LIN28A: variants seen among roughly 807,000 people sequenced by gnomAD.
The protein encoded by LIN28A is protein lin-28 homolog A.
A neutral mutation model predicts 21.1 loss-of-function variants in LIN28A; 11 were observed. That is an observed-to-expected ratio of 0.52 (90% CI 0.33 to 0.86). The LOEUF (loss-of-function observed/expected upper bound fraction) is 0.86, where lower values mean the gene tolerates loss of function less well. Ranked by LOEUF, LIN28A falls within the 40% of genes least tolerant of loss-of-function variation. The probability of loss-of-function intolerance (pLI) is 0.03; values close to 1 mark genes in which losing one functional copy is unlikely to be tolerated. For missense variants in LIN28A, 219 were observed against 279.8 expected (o/e 0.78, Z 1.55); for synonymous variants, 111 against 108.7 (o/e 1.02, Z -0.13).
Position 26,427,836 on chromosome 1 carries a change from G to A in LIN28A, c.*1378G>A, listed in dbSNP as rs766677253. On this transcript the variant is annotated 3_prime_UTR_variant, in exon 4 of 4. Transcript: ENST00000326279. ...TCGGGTTCCAGGGAGACACACAAGC[G>A]AGGGTTTTGTGGTGCCTGGAGCCTG... The A allele has an allele frequency of 1.3e-5, 2 of 152,608 alleles. No homozygotes were observed. Among genetic ancestry groups the A allele is most frequent in the Non-Finnish European group, 2.9e-5 (2 of 68,058 alleles). 9.5% of individuals were successfully genotyped at this position (152,608 alleles called of 1,614,324 possible).
At chr1:26,425,117 G>A (rs1347057373) in intron 2 of LIN28A, among the ~76,000 whole-genome samples, 186 bp from the exon 3 acceptor site, 2 of 152,086 alleles carry the variant, frequency 1.3e-5, no homozygotes, top group Non-Finnish European at 2.9e-5. Context: ...ATATAATTAC[G>A]ATTTTTGTTA....
intron 2 of LIN28A, among the ~76,000 whole-genome samples, chr1:26,413,751 C>T (rs1457214348): frequency 6.6e-6 from 1 of 151,794 alleles, no homozygotes; most frequent in Non-Finnish European, 1.5e-5. Flanking sequence ...TCCAACCCCA[C>T]CTTAACCGTA....
At position 26,410,898 on chromosome 1, in the gene LIN28A, T is replaced by C; in HGVS notation, c.7T>C (p.Ser3Pro). 2 of 1,609,702 alleles carry C rather than the reference T, an allele frequency of 1.2e-6. No individual in the cohort carries two copies. Among genetic ancestry groups the C allele is most frequent in the Non-Finnish European group, 1.7e-6 (2 of 1,178,862 alleles). Residue 3 changes from serine (S) to proline (P), a missense_variant, in exon 1 of 4, where the codon TCC becomes CCC. Ser to Pro is a moderately conservative substitution (Grantham distance 74, BLOSUM62 -1). Transcript: ENST00000326279. MG[S>P]VSNQQFAGGC... ...ACGGGCTCAGCCGACGACCATGGGC[T>C]CCGTGTCCAACCAGCAGTTTGCAGG...
At chr1:26,423,441 T>C (rs2075039994) in intron 2 of LIN28A, among the ~76,000 whole-genome samples, 1 of 133,792 alleles carries the variant, frequency 7.5e-6, no homozygotes. Context: ...TTTTTTGTTG[T>C]TGTTGTTGCC....
At chr1:26,418,079 C>T (rs1475483067) in intron 2 of LIN28A, among the ~76,000 whole-genome samples, 1 of 151,576 alleles carries the variant, frequency 6.6e-6, no homozygotes, top group African/African-American at 2.4e-5. Flanking sequence ...TCCTAAGTGA[C>T]CCCTAAGGCT....
intron 2 of LIN28A, among the ~76,000 whole-genome samples, chr1:26,423,886 C>T (rs560411751): frequency 5.0e-4 from 76 of 151,670 alleles, no homozygotes; most frequent in African/African-American, 1.7e-3. Context: ...CCTCAGCCTC[C>T]GGAGTAGCTG....
chr1:26,424,738 T>C (rs953097693), intron 2 of LIN28A, among the ~76,000 whole-genome samples: 1 of 149,460 alleles, frequency 6.7e-6, no homozygotes, highest in Non-Finnish European at 1.5e-5. Context: ...TTCTGTTTGT[T>C]GTTGTTTGTT....
chr1:26,414,520 G>A (rs1380801540), intron 2 of LIN28A, among the ~76,000 whole-genome samples: 1 of 152,054 alleles, frequency 6.6e-6, no homozygotes, highest in Non-Finnish European at 1.5e-5. Context: ...AGATGAGTGG[G>A]GGGAAAAGCC....
In LIN28A at chr1:26,411,859, A is replaced by G. The variant is rs1246964616; in HGVS notation, c.228+277A>G. 1.3e-5 allele frequency among the ~76,000 whole-genome samples: 2 copies of G among 152,044 alleles called. No homozygotes were observed. Among genetic ancestry groups the G allele is most frequent in the Non-Finnish European group, 2.9e-5 (2 of 67,980 alleles). ...TTTCCCCTGGGAAGGGGCAGGGGGC[A>G]GGGAGGTGACCCCATGTGGCAGAAA... On this transcript the variant is annotated intron_variant, in intron 2 of 3. Coordinates refer to ENST00000326279, the MANE Select transcript of LIN28A (RefSeq NM_024674.6). This position sits in a 1 kb window ranked among gnomAD's most constrained non-coding sequence, Gnocchi z 5.4.
intron 3 of LIN28A, 36 bp downstream of exon 3, chr1:26,425,523 G>C: frequency 6.3e-7 from 1 of 1,586,804 alleles, no homozygotes; most frequent in Non-Finnish European, 8.6e-7. Flanking sequence ...AGGTTGCTAA[G>C]GGCATCCCCA....
Position 26,411,351 on chromosome 1 carries a change from C to G in LIN28A, c.32-35C>G. The G allele has an allele frequency of 6.6e-7, 1 of 1,507,744 alleles. No individual in the cohort carries two copies. The highest frequency in any genetic ancestry group is 1.3e-5 in the South Asian group (1 of 78,030). The allele number at this position is 1,507,744 out of a possible 1,614,324, so 93.4% of individuals were successfully genotyped here. ...CCGAGACGGCCCTCCGATTCCGTGC[C>G]CCCCAGCTAAGTGCCCGGCCCTCCC... is the stretch of plus-strand genomic sequence containing the variant. On this transcript the variant is annotated intron_variant, in intron 1 of 3. Coordinates refer to ENST00000326279, the MANE Select transcript of LIN28A (RefSeq NM_024674.6). This position sits in a 1 kb window ranked among gnomAD's most constrained non-coding sequence, Gnocchi z 5.4.
At chr1:26,413,968 C>A (rs989439523) in intron 2 of LIN28A, among the ~76,000 whole-genome samples, 6 of 151,776 alleles carry the variant, frequency 4.0e-5, no homozygotes, top group African/African-American at 1.5e-4. Context: ...GCTGGGATTA[C>A]AGGCATGTGC....
At chr1:26,421,341 G>A (rs1017838538) in intron 2 of LIN28A, among the ~76,000 whole-genome samples, 7 of 152,084 alleles carry the variant, frequency 4.6e-5, no homozygotes, top group African/African-American at 1.4e-4. Flanking sequence ...TATTATAGAT[G>A]TACCATATTT....
Position 26,411,542 on chromosome 1 carries a change from G to C in LIN28A, c.188G>C (p.Gly63Ala). 1 of 1,613,878 alleles carries C rather than the reference G, an allele frequency of 6.2e-7. No individual in the cohort carries two copies. Among genetic ancestry groups the C allele is most frequent in the Non-Finnish European group, 8.5e-7 (1 of 1,179,930 alleles). The change falls in exon 2 of 4, where the codon GGG (glycine) becomes GCG (alanine). Residue 63 changes from glycine (G) to alanine (A), a missense_variant. Coordinates refer to ENST00000326279, the MANE Select transcript of LIN28A (RefSeq NM_024674.6). The surrounding 1 kb of genome is among the most constrained non-coding windows in gnomAD (Gnocchi z 5.4). ...TTCCTGTCCATGACCGCCCGCGCCG[G>C]GGTCGCGCTCGACCCCCCAGTGGAT... Reference protein sequence around the residue: ...FGFLSMTARAGVALDPPVDVF... With the variant: ...FGFLSMTARAAVALDPPVDVF...
chr1:26,419,704 C>T (rs780947808), intron 2 of LIN28A, among the ~76,000 whole-genome samples: 1 of 152,150 alleles, frequency 6.6e-6, no homozygotes, highest in South Asian at 2.1e-4. Flanking sequence ...TTAGTATTTA[C>T]TCCATTTTAT....
intron 2 of LIN28A, among the ~76,000 whole-genome samples, chr1:26,418,542 T>TAA (rs10680192): frequency 0.32 from 46,835 of 144,196 alleles, 7,740 homozygotes; most frequent in Admixed American, 0.41. Flanking sequence ...CCAGACTTTT[T>TAA]AAAAAAAAAA....
rs771771757 is a variant in LIN28A, at chr1:26,410,854, C to G, written c.-38C>G. The G allele has an allele frequency of 1.2e-6, 2 of 1,610,776 alleles. No homozygotes were observed. The highest frequency in any genetic ancestry group is 1.3e-5 in the African/African-American group (1 of 74,832). ...GACTTCTCCGGGGCCAGCAGCCGCCCGACCAGGGGCCCGGGGCCACGGGCT... is the reference window on the plus strand; with the variant it reads ...GACTTCTCCGGGGCCAGCAGCCGCCGGACCAGGGGCCCGGGGCCACGGGCT... On this transcript the variant is annotated 5_prime_UTR_variant, in exon 1 of 4. Transcript: ENST00000326279.
Position 26,413,819 on chromosome 1 carries a change from T to TGC in LIN28A, c.228+2237_228+2238insGC, listed in dbSNP as rs1203896591. Among the ~76,000 whole-genome samples the TGC allele has an allele frequency of 4.3e-3, 518 of 119,716 alleles. 8 individuals carry two copies. The highest frequency in any genetic ancestry group is 8.4e-3 in the African/African-American group (277 of 33,044). The allele number at this position is 119,716 out of a possible 152,430, so 78.5% of individuals were successfully genotyped here. On this transcript the variant is annotated intron_variant, in intron 2 of 3. Transcript: ENST00000326279. ...TTTTTTTGTTTGTTTGTTTGTTTGT[T>TGC]TGTTGCTTTTTTTTTTTTTTTTTTT...
chr1:26,415,983 CTTTTT>C (rs61537385), intron 2 of LIN28A, among the ~76,000 whole-genome samples: 9 of 151,912 alleles, frequency 5.9e-5, no homozygotes, highest in Non-Finnish European at 1.0e-4. Context: ...TAGACAATGT[CTTTTT>C]TTTATTTTTA....
Sources: allele counts gnomAD v4.1 joint callset (sites outside exome capture counted in the v4.1 genomes callset), GRCh38; gene constraint gnomAD v4.1.1; non-coding constraint Gnocchi (gnomAD v3.1); transcripts MANE v1.5; gene names NCBI Gene and HGNC (gene_info 2026-07-23, HGNC 2026-07-21).